CEP89: variants seen among roughly 807,000 people sequenced by gnomAD.
The protein encoded by CEP89 is centrosomal protein of 89 kDa.
CEP89 carries 95 observed loss-of-function variants against 97.6 expected under a neutral mutation model. That is an observed-to-expected ratio of 0.97 (90% CI 0.82 to 1.15). The LOEUF (loss-of-function observed/expected upper bound fraction) is 1.15. CEP89 is among the 50% of genes most tolerant of loss of function. The pLI, the probability that CEP89 is intolerant of heterozygous loss-of-function variation, is 0.00. For synonymous variants in CEP89, 354 were observed against 349.1 expected (o/e 1.01, Z -0.16); for missense variants, 869 against 947.7 (o/e 0.92, Z 1.09).
intron 13 of CEP89, among the ~76,000 whole-genome samples, chr19:32,916,211 A>T (rs903166000): frequency 3.3e-5 from 5 of 152,016 alleles, no homozygotes; most frequent in Admixed American, 6.6e-5. Context: ...CCAGAAGTTC[A>T]GGACTATAGT....
chr19:32,940,839 C>T (rs1011013662), intron 5 of CEP89, among the ~76,000 whole-genome samples: 6 of 151,694 alleles, frequency 4.0e-5, no homozygotes, highest in Non-Finnish European at 5.9e-5. Context: ...TGGCTCACTG[C>T]ACCCTCCGCC....
In CEP89 at chr19:32,966,443, T is replaced by C. The variant is rs747280755; in HGVS notation, c.63A>G (p.Leu21=). The stretch of plus-strand genomic sequence containing the variant: ...CCTTCGGAGCAACGCTGGCTGCAGG[T>C]AAAAGGCCATGGATGATGTGTTTCT... ...SHFKHIIHGL[L]PAASVAPKAA... The change falls in exon 2 of 19, where the codon TTA becomes TTG. Residue 21 remains leucine (L), a synonymous_variant. Coordinates refer to ENST00000305768, the MANE Select transcript of CEP89 (RefSeq NM_032816.5). 1.5e-5 allele frequency: 24 copies of C among 1,558,646 alleles called. No homozygotes were observed. In the South Asian group the frequency reaches 2.4e-4, roughly 16 times the overall value.
chr19:32,926,151 T>C, intron 11 of CEP89, 39 bp downstream of exon 11: 1 of 1,446,268 alleles, frequency 6.9e-7, no homozygotes, highest in Non-Finnish European at 9.7e-7. Flanking sequence ...TCCTATATTT[T>C]TATAAATCTT....
At chr19:32,886,921 T>C (rs1436694228) in intron 17 of CEP89, among the ~76,000 whole-genome samples, 6 of 144,680 alleles carry the variant, frequency 4.1e-5, no homozygotes, top group African/African-American at 7.7e-5. Flanking sequence ...ATGTCTGTAA[T>C]CCCAGCACTT....
intron 1 of CEP89, among the ~76,000 whole-genome samples, chr19:32,967,703 C>T (rs1013767455): frequency 6.6e-6 from 1 of 152,170 alleles, no homozygotes; most frequent in Non-Finnish European, 1.5e-5. Flanking sequence ...CAGAGATGCC[C>T]ACTGGTCCCA....
intron 9 of CEP89, among the ~76,000 whole-genome samples, chr19:32,929,701 C>T (rs1970431623): frequency 6.6e-6 from 1 of 152,126 alleles, no homozygotes; most frequent in Admixed American, 6.5e-5. Context: ...CAGAAGACAA[C>T]ATGGGAGAAG....
At chr19:32,963,320 C>T (rs1971207918) in intron 2 of CEP89, among the ~76,000 whole-genome samples, 1 of 152,154 alleles carries the variant, frequency 6.6e-6, no homozygotes, top group East Asian at 1.9e-4. Flanking sequence ...CGTTCCACTG[C>T]ACTCCAGCCT....
chr19:32,904,553 G>C (rs986372308), intron 14 of CEP89, among the ~76,000 whole-genome samples: 8 of 151,116 alleles, frequency 5.3e-5, no homozygotes, highest in African/African-American at 1.7e-4. Flanking sequence ...CATGATGATA[G>C]CCTATCATTA....
At chr19:32,959,782 C>T (rs539388679) in intron 3 of CEP89, 118 bp downstream of exon 3, 8 of 1,083,614 alleles carry the variant, frequency 7.4e-6, no homozygotes, top group Non-Finnish European at 9.2e-6. Context: ...AGCACCCACG[C>T]ACCCACACAG....
intron 9 of CEP89, among the ~76,000 whole-genome samples, chr19:32,927,616 T>C (rs78980422): frequency 2.0e-5 from 3 of 152,104 alleles, no homozygotes; most frequent in Admixed American, 6.6e-5. Flanking sequence ...CCTTTTTTTT[T>C]CCTTCTGAGA....
At chr19:32,912,859 G>A (rs1416587793) in intron 14 of CEP89, among the ~76,000 whole-genome samples, 1 of 151,192 alleles carries the variant, frequency 6.6e-6, no homozygotes, top group Non-Finnish European at 1.5e-5. Flanking sequence ...TGGCTGACAC[G>A]GTGAAACCCC....
chr19:32,911,914 T>A (rs1336330905), intron 14 of CEP89, among the ~76,000 whole-genome samples: 1 of 152,112 alleles, frequency 6.6e-6, no homozygotes, highest in Non-Finnish European at 1.5e-5. Context: ...CAAAAGTGAA[T>A]AGGACACTTG....
At chr19:32,955,997 T>C (rs192527651) in intron 3 of CEP89, among the ~76,000 whole-genome samples, 1 of 152,074 alleles carries the variant, frequency 6.6e-6, no homozygotes, top group African/African-American at 2.4e-5. Context: ...CATATACTTG[T>C]GTTCAGGTCC....
At chr19:32,945,041 C>A (rs1001879339) in intron 5 of CEP89, among the ~76,000 whole-genome samples, 5 of 152,232 alleles carry the variant, frequency 3.3e-5, no homozygotes, top group Non-Finnish European at 7.3e-5. Flanking sequence ...GGATCACCCA[C>A]AACAGACTCC....
At chr19:32,965,796 A>G (rs1971269901) in intron 2 of CEP89, among the ~76,000 whole-genome samples, 1 of 151,934 alleles carries the variant, frequency 6.6e-6, no homozygotes, top group African/African-American at 2.4e-5. Flanking sequence ...CAGGCGGATT[A>G]AGAAAGAGGT....
intron 7 of CEP89, 138 bp from the exon 8 acceptor site, chr19:32,933,807 C>T: frequency 4.6e-6 from 3 of 653,472 alleles, no homozygotes; most frequent in Non-Finnish European, 8.1e-6. Flanking sequence ...ATGGCTTCTA[C>T]AGGAAACAGT....
intron 14 of CEP89, among the ~76,000 whole-genome samples, chr19:32,912,536 ACAATTGTGTGAGC>A (rs1304434259): frequency 1.3e-5 from 2 of 152,272 alleles, no homozygotes; most frequent in East Asian, 3.9e-4. Context: ...GCCTGCCCCC[ACAATTGTGTGAGC>A]CAATTTTTAA....
At chr19:32,902,004 C>CTG (rs1455977169) in intron 14 of CEP89, among the ~76,000 whole-genome samples, 31 of 100,324 alleles carry the variant, frequency 3.1e-4, no homozygotes, top group East Asian at 7.5e-4. Flanking sequence ...CTGTCTCTCT[C>CTG]TCTCTCTGTG....
intron 13 of CEP89, among the ~76,000 whole-genome samples, chr19:32,916,632 T>A (rs1232687875): frequency 6.6e-6 from 1 of 152,246 alleles, no homozygotes; most frequent in Non-Finnish European, 1.5e-5. Context: ...TGGTTGCATG[T>A]AATAATTCCC....
Sources: allele counts gnomAD v4.1 joint callset (sites outside exome capture counted in the v4.1 genomes callset), GRCh38; gene constraint gnomAD v4.1.1; transcripts MANE v1.5; gene names NCBI Gene and HGNC (gene_info 2026-07-23, HGNC 2026-07-21).